The following GLIS3 variants were observed in gnomAD, a reference collection of about 807,000 sequenced individuals.
GLIS3 encodes zinc finger protein GLIS3.
In GLIS3, 53 loss-of-function variants were observed where a neutral mutation model predicts 78.6. The ratio of observed to expected loss-of-function variants is 0.67; its 90% CI spans 0.54 to 0.85. GLIS3 has a LOEUF of 0.85. Ranked by LOEUF, GLIS3 falls within the 40% of genes least tolerant of loss-of-function variation. The pLI, the probability that GLIS3 is intolerant of heterozygous loss-of-function variation, is 0.00. For synonymous variants in GLIS3, 684 were observed against 509.9 expected, an observed-to-expected ratio of 1.34 and a Z score of -4.60; for missense variants, 1,703 against 1,231.1, an observed-to-expected ratio of 1.38 and a Z score of -5.74.
rs377013632 is a variant in GLIS3 at position 4,039,659 on chromosome 9, T to A, written c.1710+78109A>T. 7.9e-5 allele frequency among the ~76,000 whole-genome samples: 12 copies of A among 152,328 alleles called. No individual in the cohort carries two copies. In the East Asian group the frequency reaches 1.7e-3, roughly 22 times the overall value. On this transcript the variant is annotated intron_variant, in intron 4 of 10. Coordinates refer to ENST00000381971, the MANE Select transcript of GLIS3 (RefSeq NM_001042413.2). ...TAGTGCCAAAGCCTGACCCAGAGCC[T>A]GCCTGGCTCCCAGCCAGTGCTCTTT...
chr9:4,138,837 T>C (rs1403729236), intron 2 of GLIS3, among the ~76,000 whole-genome samples: 1 of 152,160 alleles, frequency 6.6e-6, no homozygotes, highest in Non-Finnish European at 1.5e-5. Context: ...GCTGTAGGCA[T>C]TCATATTCTT....
chr9:4,272,525 T>C (rs1826612080), intron 2 of GLIS3, among the ~76,000 whole-genome samples: 1 of 152,150 alleles, frequency 6.6e-6, no homozygotes, highest in Non-Finnish European at 1.5e-5. Flanking sequence ...GCCTCTCTGT[T>C]CTCTTATTTT....
At chr9:4,078,893 C>T (rs1406746874) in intron 4 of GLIS3, among the ~76,000 whole-genome samples, 1 of 152,072 alleles carries the variant, frequency 6.6e-6, no homozygotes, top group Non-Finnish European at 1.5e-5. Context: ...TGAAATGCCT[C>T]CCCTCTGTCC....
the GLIS3 span, among the ~76,000 whole-genome samples, chr9:4,452,090 G>A: frequency 6.6e-6 from 1 of 152,036 alleles, no homozygotes; most frequent in Non-Finnish European, 1.5e-5. Context: ...TATCTCAATA[G>A]ATGCAAATAA....
At chr9:3,985,479 G>A (rs1003255723) in intron 4 of GLIS3, among the ~76,000 whole-genome samples, 1 of 152,170 alleles carries the variant, frequency 6.6e-6, no homozygotes, top group Non-Finnish European at 1.5e-5. Context: ...TGTCCTGTCA[G>A]AATGAAACTT....
chr9:4,050,617 T>A (rs2380934), intron 4 of GLIS3, among the ~76,000 whole-genome samples: 59,712 of 151,594 alleles, frequency 0.39, 12,765 homozygotes, highest in East Asian at 0.68. Flanking sequence ...AAAGTAATTT[T>A]AAAAAAATCT....
At chr9:4,057,327 G>A (rs1322230866) in intron 4 of GLIS3, among the ~76,000 whole-genome samples, 1 of 152,090 alleles carries the variant, frequency 6.6e-6, no homozygotes, top group Non-Finnish European at 1.5e-5. Flanking sequence ...ACTGGGTCCT[G>A]ACAATTATGA....
chr9:4,294,158 A>T (rs1262165518), intron 1 of GLIS3, among the ~76,000 whole-genome samples: 1 of 152,154 alleles, frequency 6.6e-6, no homozygotes, highest in Non-Finnish European at 1.5e-5. Context: ...TTTAGTCTCT[A>T]TAAATCTGAC....
At chr9:4,454,160 A>G in the GLIS3 span, among the ~76,000 whole-genome samples, 1 of 151,068 alleles carries the variant, frequency 6.6e-6, no homozygotes, top group East Asian at 1.9e-4. Flanking sequence ...TAAAAAAAAA[A>G]AAAAAAAAAA....
chr9:3,906,175 G>A (rs565967392), intron 6 of GLIS3, among the ~76,000 whole-genome samples: 3 of 152,342 alleles, frequency 2.0e-5, no homozygotes, highest in Admixed American at 6.5e-5. Context: ...TGAAGATTCC[G>A]TATTTGCTTT....
chr9:3,981,599 G>A (rs1466084341), intron 4 of GLIS3, among the ~76,000 whole-genome samples: 1 of 152,136 alleles, frequency 6.6e-6, no homozygotes, highest in African/African-American at 2.4e-5. Context: ...TACTGAGAAT[G>A]TCCCATGCCA....
chr9:4,450,562 T>A, the GLIS3 span, among the ~76,000 whole-genome samples: 1 of 152,010 alleles, frequency 6.6e-6, no homozygotes, highest in Non-Finnish European at 1.5e-5. Flanking sequence ...TCACCAAGGT[T>A]AAAATGAAGG....
chr9:3,989,970 A>G (rs1820088778), intron 4 of GLIS3, among the ~76,000 whole-genome samples: 1 of 152,202 alleles, frequency 6.6e-6, no homozygotes, highest in Non-Finnish European at 1.5e-5. Flanking sequence ...GTTTTGCAAA[A>G]TACTAACATT....
the GLIS3 span, among the ~76,000 whole-genome samples, chr9:4,485,096 C>A: frequency 5.3e-5 from 8 of 151,986 alleles, no homozygotes; most frequent in Admixed American, 2.6e-4. Flanking sequence ...CTCACTGCAA[C>A]TTCTACCTCC....
intron 6 of GLIS3, among the ~76,000 whole-genome samples, chr9:3,902,912 G>A (rs2130632234): frequency 6.6e-6 from 1 of 152,230 alleles, no homozygotes; most frequent in African/African-American, 2.4e-5. Flanking sequence ...AGTGACTTTG[G>A]GCATCTAGTT....
upstream of GLIS3, among the ~76,000 whole-genome samples, chr9:4,301,317 C>G (rs914085830): frequency 6.6e-6 from 1 of 152,186 alleles, no homozygotes; most frequent in Non-Finnish European, 1.5e-5. Flanking sequence ...CTGTTCATCT[C>G]TTTTAAATAC....
chr9:4,263,748 G>C (rs1435961273), intron 2 of GLIS3, among the ~76,000 whole-genome samples: 2 of 152,120 alleles, frequency 1.3e-5, no homozygotes, highest in African/African-American at 2.4e-5. Flanking sequence ...TGACGTCTCA[G>C]CAACATCTGG....
chr9:4,437,416 G>GTATC, the GLIS3 span, among the ~76,000 whole-genome samples: 3 of 107,050 alleles, frequency 2.8e-5, no homozygotes, highest in African/African-American at 9.3e-5. Flanking sequence ...ATGTATGTAT[G>GTATC]TATGTATCTA....
intron 3 of GLIS3, among the ~76,000 whole-genome samples, chr9:4,125,148 C>G (rs1832476470): frequency 6.6e-6 from 1 of 152,176 alleles, no homozygotes; most frequent in African/African-American, 2.4e-5. Flanking sequence ...GTAACTCAAA[C>G]ACAAAAGTAT....
Sources: gnomAD v4.1 joint callset for allele counts (sites outside exome capture counted in the v4.1 genomes callset) on GRCh38, gnomAD v4.1.1 for gene constraint, MANE v1.5 for transcripts, NCBI Gene and HGNC (gene_info 2026-07-23, HGNC 2026-07-21) for gene names.